Variants in MAP3K5 observed in about 807,000 individuals in gnomAD.
MAP3K5 encodes the protein ASK-1.
MAP3K5 carries 56 observed loss-of-function variants against 158.7 expected under a neutral mutation model. The ratio of observed to expected loss-of-function variants is 0.35; its 90% confidence interval spans 0.28 to 0.44. The LOEUF (loss-of-function observed/expected upper bound fraction) is 0.44, where lower values mean the gene tolerates loss of function less well. MAP3K5 is among the 20% of genes least tolerant of loss of function. The probability of loss-of-function intolerance (pLI) is 1.00; values close to 1 mark genes in which losing one functional copy is unlikely to be tolerated. For synonymous variants in MAP3K5, 579 were observed against 601.7 expected (o/e 0.96, Z 0.55); for missense variants, 1,294 against 1,674.8 (o/e 0.77, Z 3.97).
At chr6:136,733,103 G>A (rs948406818) in intron 1 of MAP3K5, among the ~76,000 whole-genome samples, 2 of 152,074 alleles carry the variant, frequency 1.3e-5, no homozygotes, top group African/African-American at 2.4e-5. Flanking sequence ...GGGCTCAAGC[G>A]ATCCTCCCAC....
intron 23 of MAP3K5, among the ~76,000 whole-genome samples, chr6:136,585,366 C>T: frequency 6.6e-6 from 1 of 151,820 alleles, no homozygotes; most frequent in Non-Finnish European, 1.5e-5. Context: ...GATCCTCCCA[C>T]CTCCGCCTCC....
intron 19 of MAP3K5, among the ~76,000 whole-genome samples, chr6:136,603,427 C>T (rs1372072095): frequency 2.0e-5 from 3 of 151,826 alleles, no homozygotes; most frequent in Non-Finnish European, 2.9e-5. Flanking sequence ...ATCTGCCCGC[C>T]TCAGCCTCCC....
In MAP3K5 at chr6:136,791,386, C is replaced by T. The variant is rs181911741; in HGVS notation, c.448+324G>A. ...AAACCTCACAGAAGCGAAACCGAGA[C>T]ACTGAAAGGAGAAAGACTGACTGGG... is the stretch of plus-strand genomic sequence containing the variant. On this transcript the variant is annotated intron_variant, in intron 1 of 29. Transcript: ENST00000359015. Among the ~76,000 whole-genome samples, 3 of 152,250 alleles carry T rather than the reference C, an allele frequency of 2.0e-5. No individual in the cohort carries two copies. In the East Asian group the frequency reaches 5.8e-4, roughly 29 times the overall value.
chr6:136,667,814 G>A (rs2114514992), intron 8 of MAP3K5, among the ~76,000 whole-genome samples: 1 of 151,656 alleles, frequency 6.6e-6, no homozygotes, highest in Non-Finnish European at 1.5e-5. Context: ...TTGTGCCATT[G>A]TGCCCTGAGC....
intron 21 of MAP3K5, among the ~76,000 whole-genome samples, chr6:136,593,873 T>C (rs982989417): frequency 1.3e-5 from 2 of 152,182 alleles, no homozygotes; most frequent in African/African-American, 4.8e-5. Context: ...TAATTCCTCT[T>C]GGGCTGAACT....
In MAP3K5 at chr6:136,757,673, C is replaced by T. The variant is rs57811652; in HGVS notation, c.448+34037G>A. Among the ~76,000 whole-genome samples, 1,393 of 151,132 alleles carry T rather than the reference C, an allele frequency of 9.2e-3. 29 individuals carry two copies. Among genetic ancestry groups the T allele is most frequent in the African/African-American group, 0.032 (1,305 of 41,112 alleles). Reference sequence around the variant, plus strand: ...CGCAATCTTGGCTCACTGCAACCTCCACCTCCTGGTTCAAGCGATTCTCCT... The same window carrying T: ...CGCAATCTTGGCTCACTGCAACCTCTACCTCCTGGTTCAAGCGATTCTCCT... On this transcript the variant is annotated intron_variant, in intron 1 of 29. Transcript: ENST00000359015.
At chr6:136,714,329 C>T (rs1339583737) in intron 2 of MAP3K5, among the ~76,000 whole-genome samples, 2 of 152,168 alleles carry the variant, frequency 1.3e-5, no homozygotes, top group Non-Finnish European at 2.9e-5. Flanking sequence ...TACACATGGA[C>T]ATCACTGCTA....
At chr6:136,740,334 T>G (rs747358901) in intron 1 of MAP3K5, among the ~76,000 whole-genome samples, 1 of 152,222 alleles carries the variant, frequency 6.6e-6, no homozygotes, top group Non-Finnish European at 1.5e-5. Context: ...TTTCCTTTTT[T>G]GGAATCTACA....
intron 8 of MAP3K5, among the ~76,000 whole-genome samples, 161 bp downstream of exon 8, chr6:136,669,122 G>C (rs1364249668): frequency 6.6e-6 from 1 of 152,160 alleles, no homozygotes; most frequent in Non-Finnish European, 1.5e-5. Context: ...CTGTACAACA[G>C]TATGAAACAC....
At chr6:136,568,021 G>C (rs1774196701) in intron 25 of MAP3K5, 147 bp from the exon 26 acceptor site, 1 of 827,996 alleles carries the variant, frequency 1.2e-6, no homozygotes, top group Non-Finnish European at 1.9e-6. Context: ...GATTTCTGTA[G>C]ACTCAGATTT....
intron 2 of MAP3K5, 36 bp downstream of exon 2, chr6:136,720,414 T>C: frequency 2.0e-6 from 3 of 1,531,210 alleles, no homozygotes; most frequent in African/African-American, 1.4e-5. Flanking sequence ...GAAATGCTGA[T>C]GTTAAAATGA....
intron 3 of MAP3K5, among the ~76,000 whole-genome samples, chr6:136,702,103 A>C (rs1780878607): frequency 6.6e-6 from 1 of 152,184 alleles, no homozygotes; most frequent in Non-Finnish European, 1.5e-5. Context: ...AAAATACCTA[A>C]GCATGCTAAG....
intron 14 of MAP3K5, among the ~76,000 whole-genome samples, chr6:136,629,540 C>T (rs1045432622): frequency 4.7e-5 from 7 of 148,796 alleles, no homozygotes; most frequent in East Asian, 2.0e-4. Flanking sequence ...CTGCAAGCTC[C>T]GCCTCCCAGG....
At chr6:136,665,613 T>C (rs2114501735) in intron 8 of MAP3K5, among the ~76,000 whole-genome samples, 1 of 152,330 alleles carries the variant, frequency 6.6e-6, no homozygotes, top group Admixed American at 6.5e-5. Flanking sequence ...CCCAAAGTGC[T>C]GGGATTACAG....
intron 1 of MAP3K5, among the ~76,000 whole-genome samples, chr6:136,790,481 C>T (rs1785027901): frequency 6.6e-6 from 1 of 152,162 alleles, no homozygotes. Flanking sequence ...ATATTATAGC[C>T]ATGCTCAGTT....
At chr6:136,579,252 A>T (rs945416426) in intron 25 of MAP3K5, among the ~76,000 whole-genome samples, 2 of 152,082 alleles carry the variant, frequency 1.3e-5, no homozygotes, top group Non-Finnish European at 2.9e-5. Flanking sequence ...CCCAACACAC[A>T]CACAGGGTGG....
At chr6:136,736,104 A>C (rs1782448468) in intron 1 of MAP3K5, among the ~76,000 whole-genome samples, 1 of 152,126 alleles carries the variant, frequency 6.6e-6, no homozygotes, top group Non-Finnish European at 1.5e-5. Context: ...CTGGTAAGCA[A>C]GCTAGTTTGG....
chr6:136,703,014 C>T (rs543398856), intron 3 of MAP3K5, among the ~76,000 whole-genome samples: 75 of 152,106 alleles, frequency 4.9e-4, no homozygotes, highest in Non-Finnish European at 9.4e-4. Context: ...TTATTTTCAC[C>T]GTTTTTTCTT....
chr6:136,650,369 T>C lies in MAP3K5; in HGVS notation c.1788+615A>G, dbSNP rs141846139. Among the ~76,000 whole-genome samples the C allele has an allele frequency of 2.9e-4, 44 of 152,376 alleles. 1 individual carries two copies. In the East Asian group the frequency reaches 8.1e-3, roughly 28 times the overall value. ...TGTCTGTTTGTAAAAAATAGTAGGA[T>C]GATTTGCACATGCATTAAAACTGAT... On this transcript the variant is annotated intron_variant, in intron 11 of 29. Transcript: ENST00000359015.
Sources: allele counts gnomAD v4.1 joint callset (sites outside exome capture counted in the v4.1 genomes callset), GRCh38; gene constraint gnomAD v4.1.1; transcripts MANE v1.5; gene names NCBI Gene and HGNC (gene_info 2026-07-23, HGNC 2026-07-21).